The following ACAD10 variants were observed in gnomAD, a reference collection of about 807,000 sequenced individuals.
ACAD10 encodes the protein acyl-CoA dehydrogenase family member 10, also known as ACAD-10.
ACAD10 carries 112 observed loss-of-function variants against 116.8 expected under a neutral mutation model. The observed-to-expected ratio is 0.96, with a 90% CI of 0.82 to 1.12. ACAD10 has a LOEUF of 1.12. Among genes scored for constraint, ACAD10 ranks in the 50% most tolerant of loss-of-function variants. ACAD10 has a pLI of 0.00. For missense variants in ACAD10, 1,259 were observed against 1,350.2 expected (o/e 0.93, Z 1.06); for synonymous variants, 486 against 510.6 (o/e 0.95, Z 0.65).
chr12:111,719,000 G>T (rs1021329384), intron 7 of ACAD10, among the ~76,000 whole-genome samples: 1 of 151,832 alleles, frequency 6.6e-6, no homozygotes, highest in Non-Finnish European at 1.5e-5. Flanking sequence ...AGCCAATCTC[G>T]AGGCTGAGGC....
In ACAD10 at chr12:111,728,018, AC is replaced by A; in HGVS notation, c.1121del (p.Pro374LeufsTer18). On this transcript the variant is annotated frameshift_variant, in exon 9 of 21. Coordinates refer to ENST00000313698, the MANE Select transcript of ACAD10 (RefSeq NM_025247.6). LOFTEE classifies it high-confidence loss of function. ...MEYCPGLIYK[D>X]PSLPGLEPSH... Reference sequence around the variant, plus strand: ...TACTGCCCAGGTCTCATCTACAAAGACCCTTCCCTGCCAGGCTTGGAGCCCA... The same window carrying A: ...TACTGCCCAGGTCTCATCTACAAAGACCTTCCCTGCCAGGCTTGGAGCCCA... 1.2e-6 allele frequency: 2 copies of A among 1,612,660 alleles called. No homozygotes were observed. The highest frequency in any genetic ancestry group is 8.5e-7 in the Non-Finnish European group (1 of 1,179,592).
chr12:111,744,220 G>A (rs568259872), intron 12 of ACAD10, among the ~76,000 whole-genome samples: 49 of 152,266 alleles, frequency 3.2e-4, no homozygotes, highest in Non-Finnish European at 3.8e-4. Context: ...GTCAGTTGTG[G>A]CATTGCTGTT....
chr12:111,687,021 T>C (rs1887884800), intron 1 of ACAD10, among the ~76,000 whole-genome samples: 1 of 152,200 alleles, frequency 6.6e-6, no homozygotes, highest in South Asian at 2.1e-4. Flanking sequence ...AACATTAGCT[T>C]TTCTGAGGCT....
intron 17 of ACAD10, 116 bp downstream of exon 17, chr12:111,748,591 G>A (rs1566168646): frequency 8.7e-7 from 1 of 1,143,052 alleles, no homozygotes; most frequent in Non-Finnish European, 1.3e-6. Context: ...AGGGTATGAT[G>A]ACATTTGGAG....
intron 3 of ACAD10, among the ~76,000 whole-genome samples, 159 bp downstream of exon 3, chr12:111,702,469 G>T (rs1377093243): frequency 1.3e-5 from 2 of 152,148 alleles, no homozygotes; most frequent in Non-Finnish European, 2.9e-5. Context: ...AGTGGCTCAT[G>T]CCTATAATCC....
chr12:111,701,703 G>A (rs143090265), intron 2 of ACAD10, among the ~76,000 whole-genome samples: 1 of 152,252 alleles, frequency 6.6e-6, no homozygotes, highest in Non-Finnish European at 1.5e-5. Context: ...CACAAAGACA[G>A]CATTTCAGGC....
chr12:111,698,580 C>G (rs998047654), intron 2 of ACAD10, among the ~76,000 whole-genome samples: 3 of 151,656 alleles, frequency 2.0e-5, no homozygotes, highest in Non-Finnish European at 4.4e-5. Flanking sequence ...CAGGTTCAAG[C>G]GATTCTCCTG....
intron 12 of ACAD10, among the ~76,000 whole-genome samples, chr12:111,740,799 A>AG (rs1294553595): frequency 6.6e-6 from 1 of 151,176 alleles, no homozygotes; most frequent in East Asian, 1.9e-4. Flanking sequence ...AAAAAAAAAA[A>AG]AAAGAAAAGA....
intron 18 of ACAD10, chr12:111,749,549 G>C (rs1438840273): frequency 1.5e-6 from 1 of 683,266 alleles, no homozygotes; most frequent in African/African-American, 1.8e-5. Context: ...ACCCCACTCT[G>C]TCGAGGTGAC....
intron 1 of ACAD10, among the ~76,000 whole-genome samples, chr12:111,686,640 C>T (rs765675827): frequency 2.0e-5 from 3 of 152,144 alleles, no homozygotes; most frequent in African/African-American, 4.8e-5. Flanking sequence ...CGCTTGAACC[C>T]GGGAGGCGGA....
At chr12:111,711,522 A>ATTTT (rs1176078999) in intron 5 of ACAD10, among the ~76,000 whole-genome samples, 1 of 107,262 alleles carries the variant, frequency 9.3e-6, no homozygotes, top group African/African-American at 3.6e-5. Context: ...CTGTGCTAAA[A>ATTTT]TTTTTTTTTT....
intron 13 of ACAD10, 94 bp downstream of exon 13, chr12:111,745,137 G>T (rs1474495698): frequency 3.0e-6 from 4 of 1,353,058 alleles, no homozygotes; most frequent in Non-Finnish European, 3.9e-6. Context: ...AGGCAGTGAA[G>T]ATACAGGAGC....
intron 20 of ACAD10, 88 bp from the exon 21 acceptor site, chr12:111,756,245 T>C: frequency 3.4e-6 from 5 of 1,480,578 alleles, no homozygotes; most frequent in Non-Finnish European, 4.4e-6. Flanking sequence ...ATGGTTGTTA[T>C]GGGCCATCAA....
chr12:111,698,641 C>G (rs544300472), intron 2 of ACAD10, among the ~76,000 whole-genome samples: 29 of 151,816 alleles, frequency 1.9e-4, no homozygotes, highest in African/African-American at 6.8e-4. Context: ...CCACCCCTGG[C>G]TAATTTTGTA....
At chr12:111,700,078 G>C (rs1039849863) in intron 2 of ACAD10, among the ~76,000 whole-genome samples, 3 of 152,120 alleles carry the variant, frequency 2.0e-5, no homozygotes, top group Admixed American at 6.6e-5. Context: ...GGTAGAGCCA[G>C]GCATGCTGGT....
At chr12:111,693,187 C>T (rs1888105178) in intron 2 of ACAD10, 1 of 366,102 alleles carries the variant, frequency 2.7e-6, no homozygotes, top group South Asian at 3.3e-5. Context: ...ACAGTGATTG[C>T]TCAGTGCATC....
At chr12:111,734,827 CT>C (rs892193577) in intron 11 of ACAD10, among the ~76,000 whole-genome samples, 1 of 152,142 alleles carries the variant, frequency 6.6e-6, no homozygotes, top group African/African-American at 2.4e-5. Context: ...TAATGGCATG[CT>C]TTTTTTCACT....
At position 111,712,550 on chromosome 12, in the gene ACAD10, C is replaced by T; in HGVS notation, c.743C>T (p.Thr248Ile). The change falls in exon 6 of 21, where the codon ACA becomes ATA. Residue 248 changes from threonine to isoleucine, a missense_variant. Coordinates refer to ENST00000313698, the MANE Select transcript of ACAD10 (RefSeq NM_025247.6). ...GAATTAGAAGCTCTCTTGGGTTTTA[C>T]ATTGAGAGTAGGTGTTCCAAACACT... ...VKELEALLGF[T>I]LRVGVPNTRP... 1.9e-6 allele frequency: 3 copies of T among 1,614,060 alleles called. No homozygotes were observed. The highest frequency in any genetic ancestry group is 2.7e-5 in the African/African-American group (2 of 75,034).
rs766583324 is a variant in ACAD10 at position 111,705,837 on chromosome 12, C to T, written c.436C>T (p.Arg146Trp). Residue 146 changes from arginine (R) to tryptophan (W), a missense_variant, in exon 4 of 21, where the codon CGG becomes TGG. Physicochemically the swap from Arg to Trp is moderately radical, Grantham distance 101. Coordinates refer to ENST00000313698, the MANE Select transcript of ACAD10 (RefSeq NM_025247.6). ...PVMTEAITQI[R>W]AKGLQTAVLS... ...GATGACTGAGGCCATAACTCAAATTCGGGCAAAAGGTCTTCAGACTGCAGT... is the reference window on the plus strand; with the variant it reads ...GATGACTGAGGCCATAACTCAAATTTGGGCAAAAGGTCTTCAGACTGCAGT... 9.9e-6 allele frequency: 16 copies of T among 1,614,040 alleles called. No homozygotes were observed. The Admixed American group carries it at 1.3e-4, about 13-fold the overall frequency.
Sources: allele counts gnomAD v4.1 joint callset (sites outside exome capture counted in the v4.1 genomes callset), GRCh38; gene constraint gnomAD v4.1.1; transcripts MANE v1.5; gene names NCBI Gene and HGNC (gene_info 2026-07-23, HGNC 2026-07-21).